The following MAF variants were observed in gnomAD, a reference collection of about 807,000 sequenced individuals.
The protein encoded by MAF is transcription factor Maf.
MAF carries 10 observed loss-of-function variants against 22.0 expected under a neutral mutation model. That is an observed-to-expected ratio of 0.45 (90% CI 0.28 to 0.77). The LOEUF (loss-of-function observed/expected upper bound fraction) is 0.77, where lower values mean the gene tolerates loss of function less well. Among genes scored for constraint, MAF ranks in the 30% least tolerant of loss-of-function variants. MAF has a pLI of 0.12. For synonymous variants in MAF, 337 were observed against 255.8 expected, an observed-to-expected ratio of 1.32 and a Z score of -3.03; for missense variants, 544 against 548.4, an observed-to-expected ratio of 0.99 and a Z score of 0.08.
the MAF span, among the ~76,000 whole-genome samples, chr16:79,279,149 G>A: frequency 1.3e-5 from 2 of 152,146 alleles, no homozygotes; most frequent in Non-Finnish European, 2.9e-5. Context: ...GGAATCAGAT[G>A]ACTTCTCTAA....
the MAF span, among the ~76,000 whole-genome samples, chr16:79,316,888 T>A: frequency 6.6e-6 from 1 of 152,218 alleles, no homozygotes. Context: ...GAAAGCAATG[T>A]TCATTGGACA....
At chr16:79,377,036 C>T in the MAF span, among the ~76,000 whole-genome samples, 1 of 152,148 alleles carries the variant, frequency 6.6e-6, no homozygotes, top group African/African-American at 2.4e-5. Context: ...TGGGTATATA[C>T]CCAGTAATGG....
At chr16:79,493,688 G>C in the MAF span, among the ~76,000 whole-genome samples, 1 of 152,210 alleles carries the variant, frequency 6.6e-6, no homozygotes, top group East Asian at 1.9e-4. Context: ...AGACAAAAGA[G>C]TTGATAAAAG....
chr16:79,284,718 CACTTTA>C, the MAF span, among the ~76,000 whole-genome samples: 1 of 152,180 alleles, frequency 6.6e-6, no homozygotes, highest in African/African-American at 2.4e-5. Context: ...TCAAACTTTC[CACTTTA>C]ACTTCCGTTT....
the MAF span, among the ~76,000 whole-genome samples, chr16:79,207,572 ACAAT>A: frequency 1.3e-5 from 2 of 152,220 alleles, no homozygotes; most frequent in African/African-American, 4.8e-5. Context: ...CTACTCTCTC[ACAAT>A]CATTGAATAT....
At chr16:79,529,305 C>A in the MAF span, among the ~76,000 whole-genome samples, 9 of 152,224 alleles carry the variant, frequency 5.9e-5, no homozygotes, top group South Asian at 1.7e-3. Context: ...CCAGTCTCTA[C>A]CCCTCTCTAG....
the MAF span, among the ~76,000 whole-genome samples, chr16:79,445,321 G>A: frequency 1.5e-3 from 232 of 152,274 alleles, no homozygotes; most frequent in Non-Finnish European, 2.6e-3. Context: ...GGGATTACAG[G>A]CGTGAGCCAC....
At chr16:79,403,765 C>T in the MAF span, among the ~76,000 whole-genome samples, 1 of 152,170 alleles carries the variant, frequency 6.6e-6, no homozygotes, top group South Asian at 2.1e-4. Context: ...ATCTATATTT[C>T]TGAACAAAAC....
the MAF span, among the ~76,000 whole-genome samples, chr16:79,283,943 A>C: frequency 6.9e-6 from 1 of 144,912 alleles, no homozygotes; most frequent in African/African-American, 2.6e-5. Flanking sequence ...GTGAAACCAT[A>C]ATCTACCCCC....
the MAF span, among the ~76,000 whole-genome samples, chr16:79,296,066 G>C: frequency 0.025 from 3,841 of 152,296 alleles, 158 homozygotes; most frequent in African/African-American, 0.087. Flanking sequence ...CTGTGGAATG[G>C]GAAAAGAAAG....
chr16:79,368,194 A>C, the MAF span, among the ~76,000 whole-genome samples: 1 of 152,174 alleles, frequency 6.6e-6, no homozygotes, highest in African/African-American at 2.4e-5. Flanking sequence ...GCTAGTTTTC[A>C]TCGCGTCTGG....
At chr16:79,589,946 G>C (rs997334424), downstream of MAF, among the ~76,000 whole-genome samples, 1 of 152,182 alleles carries the variant, frequency 6.6e-6, no homozygotes, top group African/African-American at 2.4e-5. Flanking sequence ...ACTGCCGCGG[G>C]TCTGGGACTG....
At chr16:79,240,072 C>A in the MAF span, among the ~76,000 whole-genome samples, 1 of 151,690 alleles carries the variant, frequency 6.6e-6, no homozygotes, top group East Asian at 1.9e-4. Flanking sequence ...TTGCAAAGAA[C>A]ATCAAAGGGC....
chr16:79,341,204 A>C, the MAF span, among the ~76,000 whole-genome samples: 2 of 152,224 alleles, frequency 1.3e-5, no homozygotes, highest in African/African-American at 4.8e-5. Context: ...TTTTATTTTA[A>C]GCACAAGAAG....
At chr16:79,418,143 G>T in the MAF span, among the ~76,000 whole-genome samples, 1 of 152,172 alleles carries the variant, frequency 6.6e-6, no homozygotes, top group Admixed American at 6.5e-5. Flanking sequence ...CCTGAAGCCG[G>T]ATGATTCCCT....
At chr16:79,370,405 C>T in the MAF span, among the ~76,000 whole-genome samples, 1 of 152,160 alleles carries the variant, frequency 6.6e-6, no homozygotes, top group Non-Finnish European at 1.5e-5. Context: ...GCCTATGACA[C>T]CTCTGGACTC....
the MAF span, among the ~76,000 whole-genome samples, chr16:79,230,036 T>C: frequency 3.4e-4 from 52 of 152,196 alleles, no homozygotes; most frequent in African/African-American, 1.2e-3. Context: ...ACTGAATCCT[T>C]CATTCTTAAG....
At chr16:79,277,404 T>C in the MAF span, among the ~76,000 whole-genome samples, 6 of 152,212 alleles carry the variant, frequency 3.9e-5, no homozygotes, top group Admixed American at 3.9e-4. Flanking sequence ...GCAGGCACTT[T>C]GCAATGCCTG....
At chr16:79,297,686 A>G in the MAF span, among the ~76,000 whole-genome samples, 2 of 152,162 alleles carry the variant, frequency 1.3e-5, no homozygotes, top group African/African-American at 2.4e-5. Context: ...TACCATTCTC[A>G]TTCTTCACAT....
Sources: gnomAD v4.1 joint callset for allele counts (sites outside exome capture counted in the v4.1 genomes callset) on GRCh38, gnomAD v4.1.1 for gene constraint, MANE v1.5 for transcripts, NCBI Gene and HGNC (gene_info 2026-07-23, HGNC 2026-07-21) for gene names.